The following HMGCLL1 variants were observed in gnomAD, a reference collection of about 807,000 sequenced individuals.
HMGCLL1 encodes the protein 3-hydroxymethyl-3-methylglutaryl-CoA lyase, cytoplasmic.
A neutral mutation model predicts 39.1 loss-of-function variants in HMGCLL1; 36 were observed. That is an observed-to-expected ratio of 0.92 (90% CI 0.71 to 1.22). HMGCLL1 has a LOEUF of 1.22. HMGCLL1 is among the 50% of genes most tolerant of loss of function. HMGCLL1 has a pLI of 0.00. For missense variants in HMGCLL1, 451 were observed against 416.5 expected (o/e 1.08, Z -0.72); for synonymous variants, 149 against 144.0 (o/e 1.03, Z -0.25).
chr6:55,476,207 C>T (rs1049163449), intron 7 of HMGCLL1, among the ~76,000 whole-genome samples: 2 of 151,544 alleles, frequency 1.3e-5, no homozygotes, highest in East Asian at 1.9e-4. Context: ...AAGCCTGAAA[C>T]TTATCTCTCT....
chr6:55,641,945 A>G, the HMGCLL1 span, among the ~76,000 whole-genome samples: 7 of 140,782 alleles, frequency 5.0e-5, no homozygotes, highest in Non-Finnish European at 1.1e-4. Context: ...TTTAGGGTAC[A>G]TGTGCACATT....
At position 55,543,039 on chromosome 6, in the gene HMGCLL1, TATATA is replaced by T. The variant is rs562862403; in HGVS notation, c.109-904_109-900del. Among the ~76,000 whole-genome samples the T allele has an allele frequency of 8.8e-3, 978 of 110,648 alleles. 10 individuals are homozygous for T. The highest frequency in any genetic ancestry group is 0.014 in the Non-Finnish European group (825 of 58,492). 72.6% of individuals were successfully genotyped at this position (110,648 alleles called of 152,430 possible). Reference sequence around the variant, plus strand: ...TCATATATAGATATATAATACATCATATATAATATATCATATATATGATATATAAT... The same window carrying T: ...TCATATATAGATATATAATACATCATATATATCATATATATGATATATAAT... On this transcript the variant is annotated intron_variant, in intron 1 of 8. Coordinates refer to ENST00000274901, the MANE Select transcript of HMGCLL1 (RefSeq NM_001042406.2).
intron 1 of HMGCLL1, 35 bp downstream of exon 1, chr6:55,578,913 T>C: frequency 2.0e-6 from 3 of 1,480,488 alleles, no homozygotes; most frequent in Non-Finnish European, 2.8e-6. Flanking sequence ...AGTGTGCGCA[T>C]GAGGGTGGGG....
the HMGCLL1 span, among the ~76,000 whole-genome samples, chr6:55,643,526 G>C: frequency 6.6e-6 from 1 of 151,834 alleles, no homozygotes; most frequent in Non-Finnish European, 1.5e-5. Flanking sequence ...TAGTCCCCTT[G>C]TTGTGCTATC....
At chr6:55,666,749 C>T in the HMGCLL1 span, among the ~76,000 whole-genome samples, 1 of 151,656 alleles carries the variant, frequency 6.6e-6, no homozygotes, top group Non-Finnish European at 1.5e-5. Flanking sequence ...AATCCTACTG[C>T]ATGGGTAGCA....
chr6:55,657,937 C>T, the HMGCLL1 span, among the ~76,000 whole-genome samples: 1 of 151,534 alleles, frequency 6.6e-6, no homozygotes, highest in African/African-American at 2.4e-5. Flanking sequence ...GGGGGAGGAT[C>T]AGGAAAAATA....
intron 5 of HMGCLL1, among the ~76,000 whole-genome samples, chr6:55,508,831 C>G (rs1767297973): frequency 6.6e-6 from 1 of 151,868 alleles, no homozygotes; most frequent in African/African-American, 2.4e-5. Context: ...CTTGAAATTA[C>G]TTGTGTAAAT....
At chr6:55,471,717 C>T (rs1366606500) in intron 7 of HMGCLL1, among the ~76,000 whole-genome samples, 1 of 151,068 alleles carries the variant, frequency 6.6e-6, no homozygotes, top group Non-Finnish European at 1.5e-5. Context: ...TTATAATATA[C>T]ATATAGAGAA....
chr6:55,586,138 ATGT>A, the HMGCLL1 span, among the ~76,000 whole-genome samples: 1 of 152,114 alleles, frequency 6.6e-6, no homozygotes, highest in Non-Finnish European at 1.5e-5. Context: ...GGGAAATATA[ATGT>A]TGCTTAACTA....
chr6:55,654,209 A>G, the HMGCLL1 span, among the ~76,000 whole-genome samples: 1 of 151,996 alleles, frequency 6.6e-6, no homozygotes, highest in Non-Finnish European at 1.5e-5. Flanking sequence ...TAAACAATAT[A>G]TAATCCTATG....
chr6:55,589,045 A>G, the HMGCLL1 span, among the ~76,000 whole-genome samples: 1 of 152,294 alleles, frequency 6.6e-6, no homozygotes, highest in African/African-American at 2.4e-5. Flanking sequence ...ATCCTCCCTA[A>G]CTCATTTTAT....
chr6:55,534,257 T>C (rs2127450946), intron 3 of HMGCLL1, among the ~76,000 whole-genome samples: 1 of 152,264 alleles, frequency 6.6e-6, no homozygotes, highest in Middle Eastern at 3.4e-3. Context: ...AGGCCAGTTT[T>C]AAAAACATAA....
intron 3 of HMGCLL1, among the ~76,000 whole-genome samples, chr6:55,537,689 T>G (rs1769110263): frequency 6.6e-6 from 1 of 152,182 alleles, no homozygotes; most frequent in Admixed American, 6.5e-5. Context: ...CAGGCATCAC[T>G]GCTGGGATTT....
intron 7 of HMGCLL1, among the ~76,000 whole-genome samples, chr6:55,492,925 A>G (rs1161376906): frequency 4.6e-5 from 7 of 152,128 alleles, no homozygotes; most frequent in Admixed American, 4.6e-4. Flanking sequence ...CTAGTATCAC[A>G]GGAGCCACTG....
intron 5 of HMGCLL1, among the ~76,000 whole-genome samples, chr6:55,500,555 A>G (rs1265369116): frequency 1.3e-5 from 2 of 151,958 alleles, no homozygotes. Flanking sequence ...GTCAATTAAA[A>G]CATGTTTTAG....
At chr6:55,504,017 A>G (rs6936870) in intron 5 of HMGCLL1, among the ~76,000 whole-genome samples, 21,677 of 151,728 alleles carry the variant, frequency 0.14, 1,796 homozygotes, top group African/African-American at 0.24. Context: ...ATTTGATTAC[A>G]TATTTTTCCA....
the HMGCLL1 span, among the ~76,000 whole-genome samples, chr6:55,631,453 A>C: frequency 6.6e-6 from 1 of 151,938 alleles, no homozygotes; most frequent in Admixed American, 6.6e-5. Context: ...AAATAATGCC[A>C]AAAAGACACC....
chr6:55,497,711 T>G (rs1766650963), intron 6 of HMGCLL1, among the ~76,000 whole-genome samples: 1 of 152,158 alleles, frequency 6.6e-6, no homozygotes, highest in Non-Finnish European at 1.5e-5. Context: ...TGAAATAAAG[T>G]AAGCTTTATT....
At chr6:55,543,470 CATATATAATATATATATGATATATATCAT>C (rs1561951607) in intron 1 of HMGCLL1, among the ~76,000 whole-genome samples, 6 of 8,788 alleles carry the variant, frequency 6.8e-4, no homozygotes, top group Admixed American at 2.3e-3. Context: ...TCATATATAT[CATATATAATATATATATGATATATATCAT>C]ATATATCATA....
Sources: gnomAD v4.1 joint callset for allele counts (sites outside exome capture counted in the v4.1 genomes callset) on GRCh38, gnomAD v4.1.1 for gene constraint, MANE v1.5 for transcripts, NCBI Gene and HGNC (gene_info 2026-07-23, HGNC 2026-07-21) for gene names.